The following ANK2 variants were observed in gnomAD, a reference collection of about 807,000 sequenced individuals.
The protein encoded by ANK2 is ankyrin 2.
Under a neutral mutation model 360.5 loss-of-function variants are expected in ANK2, and 83 were observed. That is an observed-to-expected ratio of 0.23 (90% CI 0.19 to 0.28). The LOEUF (loss-of-function observed/expected upper bound fraction) is 0.28. ANK2 is among the 10% of genes least tolerant of loss of function. The pLI is 1.00. For missense variants in ANK2, 4,201 were observed against 4,795.7 expected, an observed-to-expected ratio of 0.88 and a Z score of 3.66; for synonymous variants, 1,740 against 1,759.5, an observed-to-expected ratio of 0.99 and a Z score of 0.28.
intron 1 of ANK2, among the ~76,000 whole-genome samples, chr4:113,142,695 G>A (rs764349774): frequency 6.6e-6 from 1 of 151,918 alleles, no homozygotes; most frequent in Non-Finnish European, 1.5e-5. Flanking sequence ...TTCTTTATTG[G>A]AGAAAGCATG....
At chr4:112,729,856 A>G in the ANK2 span, among the ~76,000 whole-genome samples, 1 of 152,194 alleles carries the variant, frequency 6.6e-6, no homozygotes, top group African/African-American at 2.4e-5. Context: ...GCAGTAATAC[A>G]AATGAACTTA....
intron 1 of ANK2, among the ~76,000 whole-genome samples, chr4:112,844,576 T>G (rs2062868379): frequency 6.6e-6 from 1 of 152,234 alleles, no homozygotes; most frequent in Admixed American, 6.5e-5. Flanking sequence ...TATACTTTTT[T>G]CTACTTAAAG....
chr4:112,836,479 G>C (rs115438784), intron 1 of ANK2, among the ~76,000 whole-genome samples: 59 of 152,348 alleles, frequency 3.9e-4, no homozygotes, highest in African/African-American at 1.3e-3. Flanking sequence ...GTAACAGGTA[G>C]AGTTTGAAAG....
At chr4:113,046,496 G>T (rs1044853616), upstream of ANK2, among the ~76,000 whole-genome samples, 2 of 151,976 alleles carry the variant, frequency 1.3e-5, no homozygotes, top group Admixed American at 6.6e-5. Flanking sequence ...CCTCGTGAAT[G>T]GGATAAGTGG....
intron 1 of ANK2, among the ~76,000 whole-genome samples, chr4:113,067,610 G>A (rs994157545): frequency 3.9e-5 from 6 of 152,172 alleles, no homozygotes; most frequent in African/African-American, 1.4e-4. Flanking sequence ...ATAGGTGGAG[G>A]ACAGAGTCTT....
intron 1 of ANK2, among the ~76,000 whole-genome samples, chr4:113,133,408 A>C (rs1328702227): frequency 1.3e-5 from 2 of 152,094 alleles, no homozygotes; most frequent in African/African-American, 2.4e-5. Context: ...TCTAAATCTC[A>C]TTTTTTAGGG....
intron 1 of ANK2, among the ~76,000 whole-genome samples, chr4:113,138,667 T>G (rs1335890973): frequency 6.6e-6 from 1 of 152,146 alleles, no homozygotes; most frequent in African/African-American, 2.4e-5. Flanking sequence ...TTGAAATCAA[T>G]AGATTAAAAT....
chr4:112,836,423 C>G lies in ANK2; in HGVS notation c.-40+18159C>G, dbSNP rs142079012. Among the ~76,000 whole-genome samples, 336 of 152,244 alleles carry G rather than the reference C, an allele frequency of 2.2e-3. 1 individual carries two copies. The highest frequency in any genetic ancestry group is 6.8e-3 in the Middle Eastern group (2 of 294). The stretch of plus-strand genomic sequence containing the variant: ...GAATTGGTACCAAGGTAGTGGGGCA[C>G]TGCTATAATGATAACCTGAAAATGT... On this transcript the variant is annotated intron_variant, in intron 1 of 30. Coordinates refer to the ANK2 transcript ENST00000503271.
intron 1 of ANK2, among the ~76,000 whole-genome samples, chr4:112,885,796 CAAAAAAAA>C (rs750277917): frequency 1.2e-3 from 32 of 26,976 alleles, no homozygotes; most frequent in Admixed American, 4.2e-3. Flanking sequence ...GACTCTGTCT[CAAAAAAAA>C]AAAAAAAAAA....
rs1380399876 is a variant in ANK2, at chr4:113,353,458, T to A, written c.4840T>A (p.Tyr1614Asn). 1 of 1,614,068 alleles carries A rather than the reference T, an allele frequency of 6.2e-7. No individual in the cohort carries two copies. Among genetic ancestry groups the A allele is most frequent in the Admixed American group, 1.7e-5 (1 of 60,018 alleles). ...AAAAGCACCTTTAGAAATCACTGAA[T>A]ATCCATGTGTAGAAGTTAGAATAGA... ...RQKAPLEITE[Y>N]PCVEVRIDKE... is the part of the protein sequence containing the mutation. The change falls in exon 38 of 46, where the codon TAT becomes AAT. Residue 1614 changes from tyrosine (Y) to asparagine (N), a missense_variant. Physicochemically the swap from Tyr to Asn is moderately radical, Grantham distance 143. Around this residue, in one of 4 missense-constraint regions of ANK2, gnomAD observed 1,268 missense variants for 1,650.8 expected, o/e 0.77. Coordinates refer to ENST00000357077, the MANE Select transcript of ANK2 (RefSeq NM_001148.6).
At position 113,356,134 on chromosome 4, in the gene ANK2, C is replaced by A. The variant is rs535569173; in HGVS notation, c.7516C>A (p.Arg2506=). The change falls in exon 38 of 46, where the codon CGG becomes AGG. Residue 2506 remains arginine, a synonymous_variant. Coordinates refer to ENST00000357077, the MANE Select transcript of ANK2 (RefSeq NM_001148.6). ...ACTCTTGACGGAAGTGGCCTCTGTG[C>A]GGTCCCGGCTACTCCGAGACCCTGA... ...TELLTEVASV[R]SRLLRDPDGS... 3.1e-6 allele frequency: 5 copies of A among 1,614,072 alleles called. No individual in the cohort carries two copies. In the South Asian group the frequency reaches 3.3e-5, roughly 11 times the overall value.
rs1266990600 is a variant in ANK2, at chr4:113,282,650, T to C, written c.1882-25T>C. On this transcript the variant is annotated intron_variant, in intron 17 of 45. Coordinates refer to ENST00000357077, the MANE Select transcript of ANK2 (RefSeq NM_001148.6). ...AATTGTTAATCTTACTCTATATGCA[T>C]GTGTTTTATTTTTGTTCTTTTTAGA... 5 of 1,561,602 alleles carry C rather than the reference T, an allele frequency of 3.2e-6. No individual in the cohort carries two copies. In the African/African-American group the frequency reaches 6.8e-5, roughly 21 times the overall value.
chr4:112,857,711 A>G (rs1286138113), intron 1 of ANK2, among the ~76,000 whole-genome samples: 1 of 152,190 alleles, frequency 6.6e-6, no homozygotes, highest in Non-Finnish European at 1.5e-5. Context: ...AATGTTACCA[A>G]TCTGAGTTGG....
chr4:112,887,791 T>G (rs1037890164), intron 1 of ANK2, among the ~76,000 whole-genome samples: 2 of 152,102 alleles, frequency 1.3e-5, no homozygotes, highest in Admixed American at 6.5e-5. Context: ...AATATAAATT[T>G]ATTTGTGTCT....
intron 1 of ANK2, among the ~76,000 whole-genome samples, chr4:112,831,108 C>T (rs541205191): frequency 3.8e-4 from 58 of 152,340 alleles, no homozygotes; most frequent in African/African-American, 1.0e-3. Flanking sequence ...TGGGCTCCCG[C>T]GTGGCCAGAG....
chr4:113,158,603 C>T (rs890552516), intron 1 of ANK2, among the ~76,000 whole-genome samples: 6 of 152,090 alleles, frequency 3.9e-5, no homozygotes, highest in Non-Finnish European at 5.9e-5. Context: ...GTTCTCACCA[C>T]GCTGCACATT....
the ANK2 span, among the ~76,000 whole-genome samples, chr4:112,776,388 A>G: frequency 6.6e-6 from 1 of 152,208 alleles, no homozygotes. Flanking sequence ...AGCTAGGACA[A>G]TTCATGGTGG....
At chr4:113,192,924 T>TAAAAA (rs373250773) in intron 2 of ANK2, among the ~76,000 whole-genome samples, 1 of 136,778 alleles carries the variant, frequency 7.3e-6, no homozygotes, top group Non-Finnish European at 1.6e-5. Flanking sequence ...TTGCATTATT[T>TAAAAA]AAAAAAAAAA....
At chr4:113,015,873 T>C (rs1231777254) in intron 2 of ANK2, among the ~76,000 whole-genome samples, 1 of 152,174 alleles carries the variant, frequency 6.6e-6, no homozygotes, top group Non-Finnish European at 1.5e-5. Flanking sequence ...AATAGCACAT[T>C]TGGGGAGACC....
Sources: gnomAD v4.1 joint callset for allele counts (sites outside exome capture counted in the v4.1 genomes callset) on GRCh38, gnomAD v4.1.1 for gene constraint, gnomAD v4.1.1 regional missense constraint, MANE v1.5 for transcripts, NCBI Gene and HGNC (gene_info 2026-07-23, HGNC 2026-07-21) for gene names.